Variants in TMEM178B observed in about 807,000 individuals in gnomAD.
TMEM178B encodes the protein transmembrane protein 178B.
TMEM178B carries 5 observed loss-of-function variants against 31.0 expected under a neutral mutation model. The observed-to-expected ratio is 0.16, with a 90% CI of 0.08 to 0.34. The LOEUF is 0.34. Ranked by LOEUF, TMEM178B falls within the 10% of genes least tolerant of loss-of-function variation. TMEM178B has a pLI of 1.00. For missense variants in TMEM178B, 275 were observed against 400.3 expected (o/e 0.69, Z 2.67); for synonymous variants, 164 against 164.0 (o/e 1.00, Z 0.00).
At chr7:141,139,301 A>G (rs1795728532) in intron 1 of TMEM178B, among the ~76,000 whole-genome samples, 3 of 152,276 alleles carry the variant, frequency 2.0e-5, no homozygotes, top group African/African-American at 4.8e-5. Context: ...TCTTTGCTCA[A>G]ATGTGTTTAC....
chr7:141,109,747 T>C (rs1247904157), intron 1 of TMEM178B, among the ~76,000 whole-genome samples: 3 of 152,164 alleles, frequency 2.0e-5, no homozygotes, highest in African/African-American at 2.4e-5. Flanking sequence ...GAGATGGCTG[T>C]TGTGGCTTTT....
At chr7:141,217,039 T>C (rs1797163830) in intron 2 of TMEM178B, among the ~76,000 whole-genome samples, 1 of 151,992 alleles carries the variant, frequency 6.6e-6, no homozygotes, top group African/African-American at 2.4e-5. Context: ...GGCTGTCTGG[T>C]TTACGTTTTA....
intron 3 of TMEM178B, among the ~76,000 whole-genome samples, chr7:141,457,173 A>C (rs1033621029): frequency 1.3e-5 from 2 of 152,222 alleles, no homozygotes; most frequent in Non-Finnish European, 2.9e-5. Context: ...TAATGAAAGC[A>C]GTGGAAGCAA....
chr7:141,259,466 G>A lies in TMEM178B; in HGVS notation c.496+46762G>A, dbSNP rs544857006. Reference sequence around the variant, plus strand: ...ATTTTATATTGACTGCTTCTTTTTCGCCTTGAGTGTGGGTCACACTTTCCT... The same window carrying A: ...ATTTTATATTGACTGCTTCTTTTTCACCTTGAGTGTGGGTCACACTTTCCT... On this transcript the variant is annotated intron_variant, in intron 2 of 3. Coordinates refer to ENST00000565468, the MANE Select transcript of TMEM178B (RefSeq NM_001195278.2). Among the ~76,000 whole-genome samples, 10 of 151,952 alleles carry A rather than the reference G, an allele frequency of 6.6e-5. 1 individual carries two copies. In the South Asian group the frequency reaches 8.3e-4, roughly 13 times the overall value.
chr7:141,510,196 T>G, the TMEM178B span, among the ~76,000 whole-genome samples: 4 of 152,148 alleles, frequency 2.6e-5, no homozygotes, highest in Admixed American at 2.6e-4. Flanking sequence ...CCCTGCAGCA[T>G]CCAGGTAAGC....
At chr7:141,223,184 T>C (rs1278006167) in intron 2 of TMEM178B, among the ~76,000 whole-genome samples, 1 of 152,160 alleles carries the variant, frequency 6.6e-6, no homozygotes, top group Non-Finnish European at 1.5e-5. Context: ...GCTGCAAGAA[T>C]GTTGGACATA....
At chr7:141,156,004 G>A (rs1157304781) in intron 1 of TMEM178B, among the ~76,000 whole-genome samples, 3 of 152,188 alleles carry the variant, frequency 2.0e-5, no homozygotes, top group African/African-American at 7.2e-5. Context: ...GGCGGAGGCT[G>A]CAGTGAGCCG....
At chr7:141,178,263 A>C (rs1417348988) in intron 1 of TMEM178B, among the ~76,000 whole-genome samples, 1 of 152,230 alleles carries the variant, frequency 6.6e-6, no homozygotes, top group Non-Finnish European at 1.5e-5. Context: ...AATGTTGAAT[A>C]TTGGCCCCCA....
At chr7:141,123,071 T>A (rs962785838) in intron 1 of TMEM178B, among the ~76,000 whole-genome samples, 2 of 152,260 alleles carry the variant, frequency 1.3e-5, no homozygotes, top group Non-Finnish European at 2.9e-5. Flanking sequence ...CCTTTAATTA[T>A]TTTTATTGCC....
At chr7:141,274,192 C>T (rs890339509) in intron 2 of TMEM178B, among the ~76,000 whole-genome samples, 1 of 152,210 alleles carries the variant, frequency 6.6e-6, no homozygotes, top group African/African-American at 2.4e-5. Context: ...TACCACCTGA[C>T]ATTATAAATG....
At chr7:141,097,089 CA>C (rs113276063) in intron 1 of TMEM178B, among the ~76,000 whole-genome samples, 16,801 of 129,326 alleles carry the variant, frequency 0.13, 1,644 homozygotes, top group African/African-American at 0.3. Context: ...GAAGTTGTCT[CA>C]AAAAAAAAAA....
At chr7:141,454,546 TTCTCTCCTCTCTCTCCTCTCTCTCCTC>T (rs57233428) in intron 3 of TMEM178B, among the ~76,000 whole-genome samples, 21 of 111,630 alleles carry the variant, frequency 1.9e-4, no homozygotes, top group African/African-American at 5.0e-4. Context: ...TCCTCTCCTC[TTCTCTCCTCTCTCTCCTCTCTCTCCTC>T]TCTCTCCTCT....
At chr7:141,084,364 A>T (rs557494396) in intron 1 of TMEM178B, among the ~76,000 whole-genome samples, 18 of 152,366 alleles carry the variant, frequency 1.2e-4, no homozygotes, top group African/African-American at 3.8e-4. Context: ...GAACTTATTT[A>T]AAAAATGTCT....
At chr7:141,428,570 A>T (rs921379462) in intron 2 of TMEM178B, among the ~76,000 whole-genome samples, 3 of 152,114 alleles carry the variant, frequency 2.0e-5, no homozygotes, top group Non-Finnish European at 4.4e-5. Context: ...TGCCTCATGG[A>T]GGATGTGCAC....
At chr7:141,453,003 G>T (rs1325617013) in intron 3 of TMEM178B, among the ~76,000 whole-genome samples, 2 of 152,230 alleles carry the variant, frequency 1.3e-5, no homozygotes, top group Non-Finnish European at 2.9e-5. Flanking sequence ...GACTGTCACT[G>T]CCTCCATGAC....
rs1322991232 is a variant in TMEM178B, at chr7:141,410,505, C to CTCCT, written c.497-27085_497-27082dup. Among the ~76,000 whole-genome samples, 641 of 146,494 alleles carry CTCCT rather than the reference C, an allele frequency of 4.4e-3. 6 individuals carry two copies. The highest frequency in any genetic ancestry group is 0.015 in the African/African-American group (606 of 39,356). On this transcript the variant is annotated intron_variant, in intron 2 of 3. Coordinates refer to ENST00000565468, the MANE Select transcript of TMEM178B (RefSeq NM_001195278.2). ...TTTCTTTCTCTCCTTCCTTCCTTCC[C>CTCCT]TCCTTCCTTCCTTCCTTCCTTTCTC...
intron 2 of TMEM178B, among the ~76,000 whole-genome samples, chr7:141,413,011 A>G (rs1348625478): frequency 6.6e-6 from 1 of 152,202 alleles, no homozygotes; most frequent in Non-Finnish European, 1.5e-5. Flanking sequence ...GCTCAGCTTC[A>G]TGATGTCACA....
At chr7:141,349,973 A>ATCCG (rs1458945298) in intron 2 of TMEM178B, among the ~76,000 whole-genome samples, 1 of 151,672 alleles carries the variant, frequency 6.6e-6, no homozygotes, top group Non-Finnish European at 1.5e-5. Context: ...CCATCCATCC[A>ATCCG]TCCATCCATC....
chr7:141,490,913 A>G, the TMEM178B span, among the ~76,000 whole-genome samples: 3 of 152,238 alleles, frequency 2.0e-5, no homozygotes, highest in Non-Finnish European at 4.4e-5. Flanking sequence ...AGATGAGAAA[A>G]TGTGCTCAAA....
Sources: gnomAD v4.1 joint callset for allele counts (sites outside exome capture counted in the v4.1 genomes callset) on GRCh38, gnomAD v4.1.1 for gene constraint, MANE v1.5 for transcripts, NCBI Gene and HGNC (gene_info 2026-07-23, HGNC 2026-07-21) for gene names.